The following HMGN1 variants were observed in gnomAD, a reference collection of about 807,000 sequenced individuals.
HMGN1 encodes the protein non-histone chromosomal protein HMG-14.
Under a neutral mutation model 18.4 loss-of-function variants are expected in HMGN1, and 9 were observed. The ratio of observed to expected loss-of-function variants is 0.49; its 90% CI spans 0.29 to 0.85. The LOEUF is 0.85. HMGN1 is among the 40% of genes least tolerant of loss of function. The pLI is 0.07. For missense variants in HMGN1, 151 were observed against 119.2 expected (o/e 1.27, Z -1.24); for synonymous variants, 59 against 45.0 (o/e 1.31, Z -1.24).
At chr21:39,348,129 G>C in intron 4 of HMGN1, 163 bp downstream of exon 4, 1 of 949,238 alleles carries the variant, frequency 1.1e-6, no homozygotes, top group Middle Eastern at 3.4e-4. Flanking sequence ...AAACCAGGAT[G>C]AATATATCCA....
chr21:39,348,641 G>T, intron 1 of HMGN1, 64 bp from the exon 2 acceptor site: 1 of 1,509,472 alleles, frequency 6.6e-7, no homozygotes, highest in Non-Finnish European at 8.8e-7. Context: ...GGCCCGCCCG[G>T]CCCCGAGAAC....
chr21:39,345,899 A>G (rs1235051742), intron 4 of HMGN1: 1 of 1,302,102 alleles, frequency 7.7e-7, no homozygotes. Flanking sequence ...CATATCATAT[A>G]ATGAGGAACT....
chr21:39,346,487 G>A (rs541225698), intron 4 of HMGN1: 40 of 153,508 alleles, frequency 2.6e-4, no homozygotes, highest in African/African-American at 8.7e-4. Flanking sequence ...ACAAAACTGG[G>A]AAACAGTTAA....
intron 5 of HMGN1, 74 bp from the exon 6 acceptor site, chr21:39,343,233 T>C: frequency 1.4e-6 from 2 of 1,403,220 alleles, no homozygotes; most frequent in Non-Finnish European, 2.0e-6. Context: ...CTATCAGGTC[T>C]TTAAAAAAGT....
chr21:39,348,624 A>C, intron 1 of HMGN1, 47 bp from the exon 2 acceptor site: 1 of 1,520,260 alleles, frequency 6.6e-7, no homozygotes, highest in Non-Finnish European at 8.8e-7. Context: ...CAGTCCCAGG[A>C]CTCGCGGGCC....
rs1308225628 is a variant in HMGN1, at chr21:39,347,360, A to T, written c.126+932T>A. ...TAAAAAATTTAAATTAAAAAAGAAA[A>T]AACATCTTTGTTTTATACCTTTATT... On this transcript the variant is annotated intron_variant, in intron 4 of 5. Coordinates refer to ENST00000380749, the MANE Select transcript of HMGN1 (RefSeq NM_004965.7). 7.3e-6 allele frequency: 8 copies of T among 1,094,816 alleles called. No individual in the cohort carries two copies. In the Admixed American group the frequency reaches 3.2e-4, roughly 44 times the overall value. 67.8% of individuals were successfully genotyped at this position (1,094,816 alleles called of 1,614,324 possible).
At position 39,348,557 on chromosome 21, in the gene HMGN1, G is replaced by T; in HGVS notation, c.36C>A (p.Ala12=). The change falls in exon 2 of 6, where the codon GCC becomes GCA. Residue 12 remains alanine (A), a synonymous_variant. Coordinates refer to ENST00000380749, the MANE Select transcript of HMGN1 (RefSeq NM_004965.7). ...GGCCCGCACTCACCTCTTCCTTGGC[G>T]GCGCCTTCGGCGGAGCTGACCTGCG... ...PKRKVSSAEG[A]AKEEPKRRSA... is the part of the protein sequence containing the mutation. The T allele has an allele frequency of 1.2e-6, 2 of 1,611,898 alleles. No individual in the cohort carries two copies. Among genetic ancestry groups the T allele is most frequent in the South Asian group, 1.1e-5 (1 of 90,990 alleles).
rs150802855 is a variant in HMGN1 at position 39,345,201 on chromosome 21, T to G, written c.200A>C (p.Asn67Thr). 39 of 1,613,524 alleles carry G rather than the reference T, an allele frequency of 2.4e-5. No homozygotes were observed. The highest frequency in any genetic ancestry group is 3.3e-5 in the Non-Finnish European group (39 of 1,179,966). ...GAKGKQAEVA[N>T]QETKEDLPAE... Reference sequence around the variant, plus strand: ...AGGTAAGTCTTCTTTAGTTTCTTGGTTAGCCACTTCGGCCTGTTTTCCCTT... The same window carrying G: ...AGGTAAGTCTTCTTTAGTTTCTTGGGTAGCCACTTCGGCCTGTTTTCCCTT... The change falls in exon 5 of 6, where the codon AAC (asparagine) becomes ACC (threonine). Residue 67 changes from asparagine to threonine, a missense_variant. Physicochemically the swap from Asn to Thr is moderately conservative, Grantham distance 65. Transcript: ENST00000380749.
In HMGN1 at chr21:39,347,501, A is replaced by C. The variant is rs2037097044; in HGVS notation, c.126+791T>G. ...TACCTACACTTTTAGGAAAGAGGTGAAGGCATTAACAAAAATTTTTTTTGA... is the reference window on the plus strand; with the variant it reads ...TACCTACACTTTTAGGAAAGAGGTGCAGGCATTAACAAAAATTTTTTTTGA... On this transcript the variant is annotated intron_variant, in intron 4 of 5. Transcript: ENST00000380749. 5.0e-6 allele frequency: 6 copies of C among 1,196,232 alleles called. No homozygotes were observed. In the Admixed American group the frequency reaches 1.2e-4, roughly 23 times the overall value. The allele number at this position is 1,196,232 out of a possible 1,614,324, so 74.1% of individuals were successfully genotyped here.
In HMGN1 at chr21:39,347,392, G is replaced by A. The variant is rs529873570; in HGVS notation, c.126+900C>T. The A allele has an allele frequency of 2.2e-4, 266 of 1,212,188 alleles. 3 individuals carry two copies. In the South Asian group the frequency reaches 3.6e-3, roughly 17 times the overall value. The allele number at this position is 1,212,188 out of a possible 1,614,324, so 75.1% of individuals were successfully genotyped here. On this transcript the variant is annotated intron_variant, in intron 4 of 5. Coordinates refer to ENST00000380749, the MANE Select transcript of HMGN1 (RefSeq NM_004965.7). ...TTTGTTTTATACCTTTATTTAACAAGGACAAATTTAGTAATTATCCAACAA... is the reference window on the plus strand; with the variant it reads ...TTTGTTTTATACCTTTATTTAACAAAGACAAATTTAGTAATTATCCAACAA...
intron 4 of HMGN1, 151 bp from the exon 5 acceptor site, chr21:39,345,425 G>C (rs2037017311): frequency 2.9e-6 from 2 of 684,774 alleles, no homozygotes; most frequent in South Asian, 3.7e-5. Flanking sequence ...ACACATGAGC[G>C]TGAAACCCCA....
chr21:39,349,071 G>T lies in HMGN1; in HGVS notation c.-154C>A, dbSNP rs535978580. ...CGAGCTGCTGAGACCCACAGCGGGG[G>T]CGGTGGGAGAACCGGATGGAACCGG... On this transcript the variant is annotated 5_prime_UTR_variant, in exon 1 of 6. Transcript: ENST00000380749. 178 of 875,282 alleles carry T rather than the reference G, an allele frequency of 2.0e-4. No homozygotes were observed. The highest frequency in any genetic ancestry group is 1.9e-3 in the African/African-American group (108 of 56,644). The allele number at this position is 875,282 out of a possible 1,614,324, so 54.2% of individuals were successfully genotyped here.
chr21:39,346,650 G>T (rs2037065377), intron 4 of HMGN1: 1 of 152,378 alleles, frequency 6.6e-6, no homozygotes, highest in Admixed American at 6.5e-5. Context: ...CAAGTCAGAA[G>T]CACACACAGT....
intron 1 of HMGN1, 56 bp downstream of exon 1, chr21:39,348,847 G>A (rs2037166955): frequency 1.9e-6 from 2 of 1,056,590 alleles, no homozygotes; most frequent in Non-Finnish European, 2.3e-6. Context: ...CGCGGGGCCC[G>A]GCGGGGCGCC....
chr21:39,348,387 G>A (rs1337802107), intron 3 of HMGN1, 35 bp downstream of exon 3: 6 of 1,614,026 alleles, frequency 3.7e-6, no homozygotes, highest in African/African-American at 1.3e-5. Flanking sequence ...GACGACCCGC[G>A]GAAAACGAAC....
At position 39,348,155 on chromosome 21, in the gene HMGN1, G is replaced by A. The variant is rs952970105; in HGVS notation, c.126+137C>T. ...AATATATCCATTACATTTTTGCCTC[G>A]ACCACTAGAAAAATTATTTACCGTA... On this transcript the variant is annotated intron_variant, in intron 4 of 5. Transcript: ENST00000380749. The A allele has an allele frequency of 5.1e-6, 6 of 1,181,692 alleles. No homozygotes were observed. In the African/African-American group the frequency reaches 6.3e-5, roughly 12 times the overall value. The allele number at this position is 1,181,692 out of a possible 1,614,324, so 73.2% of individuals were successfully genotyped here.
At position 39,347,951 on chromosome 21, in the gene HMGN1, C is replaced by T. The variant is rs980944713; in HGVS notation, c.126+341G>A. The T allele has an allele frequency of 2.7e-4, 310 of 1,129,738 alleles. 3 individuals are homozygous for T. The highest frequency in any genetic ancestry group is 2.8e-4 in the Admixed American group (6 of 21,192). 70.0% of individuals were successfully genotyped at this position (1,129,738 alleles called of 1,614,324 possible). A position where few individuals can be genotyped will look rare whatever the true frequency, so the allele number is the denominator to read the frequency against. On this transcript the variant is annotated intron_variant, in intron 4 of 5. Coordinates refer to ENST00000380749, the MANE Select transcript of HMGN1 (RefSeq NM_004965.7). Reference sequence around the variant, plus strand: ...TCTCCTGGCCTCGGTGCTATCTTGACTCTTTTATTGTCAAAAAAGGAAGTA... The same window carrying T: ...TCTCCTGGCCTCGGTGCTATCTTGATTCTTTTATTGTCAAAAAAGGAAGTA...
At position 39,348,884 on chromosome 21, in the gene HMGN1, G is replaced by T. The variant is rs943010004; in HGVS notation, c.15+19C>A. The T allele has an allele frequency of 1.8e-6, 2 of 1,139,876 alleles. No homozygotes were observed. Among genetic ancestry groups the T allele is most frequent in the African/African-American group, 1.7e-5 (1 of 59,410 alleles). The allele number at this position is 1,139,876 out of a possible 1,614,324, so 70.6% of individuals were successfully genotyped here. A position where few individuals can be genotyped will look rare whatever the true frequency, so the allele number is the denominator to read the frequency against. Reference sequence around the variant, plus strand: ...GCGGCGGCTCCAGGGGGCGTGTGCGGGCCGCGGCCGCCGCTCACCTTCCTC... The same window carrying T: ...GCGGCGGCTCCAGGGGGCGTGTGCGTGCCGCGGCCGCCGCTCACCTTCCTC... On this transcript the variant is annotated intron_variant, in intron 1 of 5. Transcript: ENST00000380749.
rs2037132619 is a variant in HMGN1, at chr21:39,348,288, T to C, written c.126+4A>G. 1.2e-6 allele frequency: 2 copies of C among 1,614,058 alleles called. No homozygotes were observed. Among genetic ancestry groups the C allele is most frequent in the African/African-American group, 1.3e-5 (1 of 75,044 alleles). ...TGCATCCCAATGCGCGTTTCGAGGC[T>C]TACCTTCGCTGCTGCCTTTTTCGGC... On this transcript the variant is annotated splice_donor_region_variant and intron_variant, in intron 4 of 5. Coordinates refer to ENST00000380749, the MANE Select transcript of HMGN1 (RefSeq NM_004965.7).
Sources: allele counts gnomAD v4.1 joint callset, GRCh38; gene constraint gnomAD v4.1.1; transcripts MANE v1.5; gene names NCBI Gene and HGNC (gene_info 2026-07-23, HGNC 2026-07-21).